CDH23: variants seen among roughly 807,000 people sequenced by gnomAD.
CDH23 encodes cadherin-23.
Under a neutral mutation model 317.1 loss-of-function variants are expected in CDH23, and 189 were observed. That is an observed-to-expected ratio of 0.60 (90% CI 0.53 to 0.67). The LOEUF is 0.67. Among genes scored for constraint, CDH23 ranks in the 30% least tolerant of loss-of-function variants. The probability of loss-of-function intolerance (pLI) is 0.00; values close to 1 mark genes in which losing one functional copy is unlikely to be tolerated. For missense variants in CDH23, 4,401 were observed against 4,592.4 expected, an observed-to-expected ratio of 0.96 and a Z score of 1.20; for synonymous variants, 1,839 against 1,876.8, an observed-to-expected ratio of 0.98 and a Z score of 0.52.
chr10:71,741,005 G>A (rs746107973), intron 37 of CDH23, 55 bp downstream of exon 37: 178 of 1,605,328 alleles, frequency 1.1e-4, no homozygotes, highest in Non-Finnish European at 1.3e-4. Context: ...CCGTGGGCAC[G>A]AGCCAACCAT....
At chr10:71,795,769 A>G (rs1349706865) in intron 48 of CDH23, 34 of 960,736 alleles carry the variant, frequency 3.5e-5, no homozygotes, top group Non-Finnish European at 4.0e-5. Flanking sequence ...GCTCTGCTCC[A>G]TCCCTGCTGC....
rs1299043624 is a variant in CDH23 at position 71,511,191 on chromosome 10, C to T, written c.408C>T (p.Pro136=). The change falls in exon 6 of 70, where the codon CCC becomes CCT. Residue 136 remains proline, a synonymous_variant. Transcript: ENST00000224721. The part of the protein sequence containing the change: ...NDNAPTFHNQ[P]YSVRIPENTP... ...ACGCGCCCACATTTCACAATCAGCC[C>T]TACAGCGTCCGCATCCCTGAGGTAG... The T allele has an allele frequency of 3.1e-6, 5 of 1,613,588 alleles. No individual in the cohort carries two copies. Among genetic ancestry groups the T allele is most frequent in the Non-Finnish European group, 3.4e-6 (4 of 1,179,588 alleles).
chr10:71,572,718 A>G (rs1857902560), intron 8 of CDH23, among the ~76,000 whole-genome samples: 2 of 152,100 alleles, frequency 1.3e-5, no homozygotes, highest in Admixed American at 6.6e-5. Flanking sequence ...CAGAGATAGC[A>G]ACTCCTCTCC....
intron 1 of CDH23, among the ~76,000 whole-genome samples, chr10:71,411,002 T>A (rs1224609246): frequency 6.6e-6 from 1 of 152,232 alleles, no homozygotes; most frequent in Non-Finnish European, 1.5e-5. Flanking sequence ...TGACTATCCT[T>A]TTACCAACAC....
intron 1 of CDH23, among the ~76,000 whole-genome samples, chr10:71,417,612 G>C (rs943441280): frequency 1.3e-5 from 2 of 151,796 alleles, no homozygotes; most frequent in East Asian, 1.9e-4. Flanking sequence ...TTTCTCATCT[G>C]TCCTTCTTTT....
chr10:71,490,889 A>G (rs1258539152), intron 3 of CDH23, among the ~76,000 whole-genome samples: 4 of 152,210 alleles, frequency 2.6e-5, no homozygotes, highest in Non-Finnish European at 5.9e-5. Flanking sequence ...AAAGTGGCAG[A>G]TCCAGGATTG....
chr10:71,439,880 C>A lies in CDH23; in HGVS notation c.49C>A (p.Leu17Met). The A allele has an allele frequency of 6.3e-7, 1 of 1,575,614 alleles. No homozygotes were observed. Among genetic ancestry groups the A allele is most frequent in the East Asian group, 2.3e-5 (1 of 43,120 alleles). ...CTGCCACGTGGCCTGGCTTTTGGTG[C>A]TGATCTCTGGATGCTGGGGTAAGTC... is the stretch of plus-strand genomic sequence containing the variant. ...TSCHVAWLLVLISGCWGQVNR... is the reference protein window; with the variant it reads ...TSCHVAWLLVMISGCWGQVNR... The change falls in exon 2 of 70, where the codon CTG (leucine) becomes ATG (methionine). Residue 17 changes from leucine to methionine, a missense_variant. Physicochemically the swap from Leu to Met is conservative, Grantham distance 15. Transcript: ENST00000224721.
At chr10:71,723,406 TC>T (rs200445963) in intron 28 of CDH23, among the ~76,000 whole-genome samples, 5 of 150,910 alleles carry the variant, frequency 3.3e-5, no homozygotes, top group East Asian at 3.9e-4. Flanking sequence ...GACAACAACG[TC>T]CCCCCCCACA....
intron 15 of CDH23, among the ~76,000 whole-genome samples, chr10:71,675,717 T>G (rs560663824): frequency 3.9e-4 from 60 of 152,276 alleles, no homozygotes; most frequent in African/African-American, 1.3e-3. Flanking sequence ...CCTTCACCAC[T>G]AGGCTACACA....
intron 1 of CDH23, among the ~76,000 whole-genome samples, chr10:71,432,747 C>T (rs1050043878): frequency 6.6e-6 from 1 of 152,152 alleles, no homozygotes; most frequent in African/African-American, 2.4e-5. Flanking sequence ...ACCTCCTCGC[C>T]TAGCGAGGAA....
intron 6 of CDH23, among the ~76,000 whole-genome samples, chr10:71,553,579 AG>A (rs1449852492): frequency 6.6e-6 from 1 of 152,198 alleles, no homozygotes; most frequent in African/African-American, 2.4e-5. Context: ...ACAGAGGGAC[AG>A]GGGTGGGAGG....
At chr10:71,813,752 C>T (rs1320174101) in intron 69 of CDH23, among the ~76,000 whole-genome samples, 2 of 152,024 alleles carry the variant, frequency 1.3e-5, no homozygotes, top group African/African-American at 4.8e-5. Context: ...ACTAAAAATA[C>T]AAAAAATTAG....
intron 22 of CDH23, among the ~76,000 whole-genome samples, chr10:71,701,208 T>C (rs1865570477): frequency 1.3e-5 from 2 of 152,156 alleles, no homozygotes; most frequent in African/African-American, 4.8e-5. Flanking sequence ...GGCCTGTGCC[T>C]CTCTGGGCTC....
rs756918079 is a variant in CDH23 at position 71,811,617 on chromosome 10, GGGGGCCGACCACCTGC to G, written c.9278+28_9278+43del. 2.5e-6 allele frequency: 4 copies of G among 1,613,806 alleles called. No homozygotes were observed. The South Asian group carries it at 4.4e-5, about 18-fold the overall frequency. On this transcript the variant is annotated intron_variant, in intron 64 of 69. Transcript: ENST00000224721. The stretch of plus-strand genomic sequence containing the variant: ...TGAGTGTCCCCCACCCCTGCCATCA[GGGGGCCGACCACCTGC>G]TCCCGGATGGCCACGAGGCAGGCAG...
intron 6 of CDH23, among the ~76,000 whole-genome samples, chr10:71,526,145 G>C (rs1265770918): frequency 6.6e-6 from 1 of 152,234 alleles, no homozygotes; most frequent in Non-Finnish European, 1.5e-5. Flanking sequence ...GGTGCTACAA[G>C]AAAGCCGGGC....
intron 52 of CDH23, among the ~76,000 whole-genome samples, chr10:71,800,328 G>A (rs201990493): frequency 6.6e-6 from 1 of 152,086 alleles, no homozygotes; most frequent in East Asian, 1.9e-4. Context: ...TTCCTGCTTG[G>A]TATGAGCCAT....
At chr10:71,489,209 T>C (rs1456687718) in intron 3 of CDH23, among the ~76,000 whole-genome samples, 1 of 152,264 alleles carries the variant, frequency 6.6e-6, no homozygotes, top group Non-Finnish European at 1.5e-5. Flanking sequence ...CTCAGTTAAA[T>C]GTAAGTTAGA....
intron 6 of CDH23, among the ~76,000 whole-genome samples, chr10:71,565,054 T>C (rs1351198405): frequency 6.6e-6 from 1 of 152,222 alleles, no homozygotes; most frequent in Non-Finnish European, 1.5e-5. Context: ...GTGGCCCTCC[T>C]TTCTTGTGGC....
At chr10:71,639,015 C>T (rs536044366) in intron 11 of CDH23, among the ~76,000 whole-genome samples, 1 of 152,266 alleles carries the variant, frequency 6.6e-6, no homozygotes, top group East Asian at 1.9e-4. Flanking sequence ...GGGGAGGGAC[C>T]GGCAGGGAGC....
Sources: gnomAD v4.1 joint callset for allele counts (sites outside exome capture counted in the v4.1 genomes callset) on GRCh38, gnomAD v4.1.1 for gene constraint, MANE v1.5 for transcripts, NCBI Gene and HGNC (gene_info 2026-07-23, HGNC 2026-07-21) for gene names.